Variants in ZDHHC3 observed in about 807,000 individuals in gnomAD.
ZDHHC3 encodes the protein palmitoyltransferase ZDHHC3.
In ZDHHC3, 9 loss-of-function variants were observed where a neutral mutation model predicts 30.6. That is an observed-to-expected ratio of 0.29 (90% CI 0.18 to 0.51). ZDHHC3 has a LOEUF of 0.51. Among genes scored for constraint, ZDHHC3 ranks in the 20% least tolerant of loss-of-function variants. The pLI is 0.97. For missense variants in ZDHHC3, 246 were observed against 384.2 expected (o/e 0.64, Z 3.01); for synonymous variants, 136 against 140.2 (o/e 0.97, Z 0.21).
At position 44,953,535 on chromosome 3, in the gene ZDHHC3, T is replaced by C. The variant is rs377535694; in HGVS notation, c.306+5596A>G. Among the ~76,000 whole-genome samples, 63 of 152,274 alleles carry C rather than the reference T, an allele frequency of 4.1e-4. No homozygotes were observed. The East Asian group carries it at 7.9e-3, about 19-fold the overall frequency. ...TTCCATCCATTTCAAGCAACAAGAA[T>C]GAAAACCTGCTTAAATTGTTTCAGG... On this transcript the variant is annotated intron_variant, in intron 2 of 6. Transcript: ENST00000424952.
chr3:44,973,727 G>A (rs186988566), intron 1 of ZDHHC3, among the ~76,000 whole-genome samples: 1 of 152,182 alleles, frequency 6.6e-6, no homozygotes, highest in Non-Finnish European at 1.5e-5. Context: ...CAAAGTGCTG[G>A]GATTACAGAT....
Position 44,923,379 on chromosome 3 carries a change from G to C in ZDHHC3, c.*3310C>G. ...GCGTGAGGGATGTCCACAGTGAGAAGTGTCCGCGCCCGGCTTAAAATGTTT... is the reference window on the plus strand; with the variant it reads ...GCGTGAGGGATGTCCACAGTGAGAACTGTCCGCGCCCGGCTTAAAATGTTT... On this transcript the variant is annotated 3_prime_UTR_variant, in exon 7 of 7. Transcript: ENST00000424952. 1 of 985,412 alleles carries C rather than the reference G, an allele frequency of 1.0e-6. No homozygotes were observed. The highest frequency in any genetic ancestry group is 1.2e-6 in the Non-Finnish European group (1 of 829,924). 61.0% of individuals were successfully genotyped at this position (985,412 alleles called of 1,614,324 possible).
intron 2 of ZDHHC3, chr3:44,958,557 G>A: frequency 6.5e-7 from 1 of 1,529,708 alleles, no homozygotes; most frequent in Non-Finnish European, 8.8e-7. Flanking sequence ...TCATTGAGCA[G>A]AACACTACTG....
chr3:44,955,459 ATATATATATATATATATG>A (rs1032548056), intron 2 of ZDHHC3, among the ~76,000 whole-genome samples: 2 of 146,268 alleles, frequency 1.4e-5, no homozygotes, highest in East Asian at 2.0e-4. Flanking sequence ...CAAGGTTTTT[ATATATATATATATATATG>A]TATATATATA....
At chr3:44,949,843 C>CT (rs921169570) in intron 2 of ZDHHC3, among the ~76,000 whole-genome samples, 446 of 149,122 alleles carry the variant, frequency 3.0e-3, no homozygotes, top group African/African-American at 7.2e-3. Flanking sequence ...ATTATTTTTT[C>CT]TTTTTTTTTT....
Position 44,921,920 on chromosome 3 carries a change from G to A in ZDHHC3, c.*4769C>T, listed in dbSNP as rs530016552. ...GTGCGGCCCCTAGAAGGCTTTTAGC[G>A]AACGTCCCTCTGCAGCGCTTGTCCT... On this transcript the variant is annotated 3_prime_UTR_variant, in exon 7 of 7. Transcript: ENST00000424952. 20 of 985,266 alleles carry A rather than the reference G, an allele frequency of 2.0e-5. No individual in the cohort carries two copies. The highest frequency in any genetic ancestry group is 2.3e-5 in the Non-Finnish European group (19 of 829,922). The allele number at this position is 985,266 out of a possible 1,614,324, so 61.0% of individuals were successfully genotyped here.
rs879334842 is a variant in ZDHHC3 at position 44,925,644 on chromosome 3, T to A, written c.*1045A>T. 9.1e-6 allele frequency: 9 copies of A among 985,322 alleles called. No homozygotes were observed. The highest frequency in any genetic ancestry group is 6.2e-5 in the Admixed American group (1 of 16,258). The allele number at this position is 985,322 out of a possible 1,614,324, so 61.0% of individuals were successfully genotyped here. A position where few individuals can be genotyped will look rare whatever the true frequency, so the allele number is the denominator to read the frequency against. On this transcript the variant is annotated 3_prime_UTR_variant, in exon 7 of 7. Coordinates refer to ENST00000424952, the MANE Select transcript of ZDHHC3 (RefSeq NM_001135179.2). Reference sequence around the variant, plus strand: ...TGAGGTAACCCCAGCATCATGGTCATCTCCATGCCAGGACAACAGTCTCCC... The same window carrying A: ...TGAGGTAACCCCAGCATCATGGTCAACTCCATGCCAGGACAACAGTCTCCC...
At chr3:44,931,875 A>T (rs1701520274) in intron 5 of ZDHHC3, among the ~76,000 whole-genome samples, 1 of 152,118 alleles carries the variant, frequency 6.6e-6, no homozygotes, top group Admixed American at 6.6e-5. Context: ...CATCTCTCCT[A>T]CCTTGCAGGC....
chr3:44,926,896 G>A (rs1701036977), intron 6 of ZDHHC3, 49 bp from the exon 7 acceptor site: 1 of 1,538,934 alleles, frequency 6.5e-7, no homozygotes, highest in African/African-American at 1.4e-5. Context: ...CATTGCTGTG[G>A]TTTCTGGGGA....
At chr3:44,934,036 G>C (rs1482283382) in intron 3 of ZDHHC3, 52 bp from the exon 4 acceptor site, 5 of 1,563,892 alleles carry the variant, frequency 3.2e-6, no homozygotes. Context: ...GTGTTGGGAG[G>C]GCCCCGGGGG....
At chr3:44,949,197 A>C (rs2125879928) in intron 2 of ZDHHC3, among the ~76,000 whole-genome samples, 1 of 152,348 alleles carries the variant, frequency 6.6e-6, no homozygotes, top group Middle Eastern at 3.4e-3. Flanking sequence ...TTTGGTGGGC[A>C]AGGACCACAT....
intron 1 of ZDHHC3, among the ~76,000 whole-genome samples, chr3:44,965,763 C>T (rs559194429): frequency 6.6e-6 from 1 of 152,306 alleles, no homozygotes; most frequent in African/African-American, 2.4e-5. Context: ...GTACCAAGGA[C>T]CCCCATCCTC....
chr3:44,964,935 C>G (rs1240091775), intron 1 of ZDHHC3, among the ~76,000 whole-genome samples: 1 of 151,938 alleles, frequency 6.6e-6, no homozygotes, highest in Non-Finnish European at 1.5e-5. Flanking sequence ...TAGAAGAGTT[C>G]ACTGAAGCCC....
intron 1 of ZDHHC3, among the ~76,000 whole-genome samples, chr3:44,961,222 C>T (rs1704453030): frequency 1.3e-5 from 2 of 152,170 alleles, no homozygotes; most frequent in Non-Finnish European, 2.9e-5. Context: ...GAAACCCCAT[C>T]TCTACTGAAA....
At chr3:44,971,825 T>C (rs935400155) in intron 1 of ZDHHC3, among the ~76,000 whole-genome samples, 4 of 152,242 alleles carry the variant, frequency 2.6e-5, no homozygotes, top group Admixed American at 2.6e-4. Flanking sequence ...AGAAGACAGA[T>C]GAAGACCTGC....
rs879513431 is a variant in ZDHHC3, at chr3:44,918,655, C to T, written c.*8034G>A. On this transcript the variant is annotated 3_prime_UTR_variant, in exon 7 of 7. Transcript: ENST00000424952. The stretch of plus-strand genomic sequence containing the variant: ...ACAAACAGCATGCGAGGTGAAGAAG[C>T]GGGTGCTCGTACAGCAAGTGCCAAC... The T allele has an allele frequency of 1.2e-5, 12 of 999,524 alleles. No homozygotes were observed. The South Asian group carries it at 1.7e-4, about 14-fold the overall frequency. 61.9% of individuals were successfully genotyped at this position (999,524 alleles called of 1,614,324 possible).
In ZDHHC3 at chr3:44,924,593, T is replaced by C. The variant is rs1575766617; in HGVS notation, c.*2096A>G. 1.0e-6 allele frequency: 1 copy of C among 985,452 alleles called. No individual in the cohort carries two copies. Among genetic ancestry groups the C allele is most frequent in the East Asian group, 1.1e-4 (1 of 8,810 alleles). 61.0% of individuals were successfully genotyped at this position (985,452 alleles called of 1,614,324 possible). A position where few individuals can be genotyped will look rare whatever the true frequency, so the allele number is the denominator to read the frequency against. ...AAAAGTCAGTGCATCTTCAGCACTATCTACTGCATTCCTGAGAAATGCCAG... is the reference window on the plus strand; with the variant it reads ...AAAAGTCAGTGCATCTTCAGCACTACCTACTGCATTCCTGAGAAATGCCAG... On this transcript the variant is annotated 3_prime_UTR_variant, in exon 7 of 7. Coordinates refer to ENST00000424952, the MANE Select transcript of ZDHHC3 (RefSeq NM_001135179.2).
chr3:44,967,500 A>G (rs1223880401), intron 1 of ZDHHC3, among the ~76,000 whole-genome samples: 1 of 152,150 alleles, frequency 6.6e-6, no homozygotes, highest in Non-Finnish European at 1.5e-5. Flanking sequence ...CCTGGCCAAC[A>G]TAGTGAGACC....
chr3:44,945,269 G>T lies in ZDHHC3; in HGVS notation c.330C>A (p.Ala110=). ...TDPGAVPKGN[A]TKEFIESLQL... ...GTAAACTCTCGATGAATTCTTTAGT[G>T]GCATTTCCTTTGGGCACTGCCCCCT... The change falls in exon 3 of 7, where the codon GCC becomes GCA. Residue 110 remains alanine, a synonymous_variant. Coordinates refer to ENST00000424952, the MANE Select transcript of ZDHHC3 (RefSeq NM_001135179.2). 1 of 1,614,196 alleles carries T rather than the reference G, an allele frequency of 6.2e-7. No individual in the cohort carries two copies. The highest frequency in any genetic ancestry group is 8.5e-7 in the Non-Finnish European group (1 of 1,180,022).
Sources: gnomAD v4.1 joint callset for allele counts (sites outside exome capture counted in the v4.1 genomes callset) on GRCh38, gnomAD v4.1.1 for gene constraint, MANE v1.5 for transcripts, NCBI Gene and HGNC (gene_info 2026-07-23, HGNC 2026-07-21) for gene names.